GRSF1: variants seen among roughly 807,000 people sequenced by gnomAD.
The protein encoded by GRSF1 is G-rich sequence factor 1.
A neutral mutation model predicts 51.1 loss-of-function variants in GRSF1; 50 were observed. The observed-to-expected ratio is 0.98, with a 90% CI of 0.78 to 1.24. The LOEUF is 1.24. GRSF1 is among the 50% of genes most tolerant of loss of function. The pLI is 0.00. For synonymous variants in GRSF1, 293 were observed against 253.3 expected, an observed-to-expected ratio of 1.16 and a Z score of -1.49; for missense variants, 700 against 639.7, an observed-to-expected ratio of 1.09 and a Z score of -1.02.
chr4:70,828,185 T>C, intron 5 of GRSF1, 149 bp from the exon 6 acceptor site: 1 of 627,842 alleles, frequency 1.6e-6, no homozygotes, highest in Non-Finnish European at 2.8e-6. Flanking sequence ...TAATAATGCA[T>C]ACAGATAGTA....
rs1306920484 is a variant in GRSF1 at position 70,839,629 on chromosome 4, G to A, written c.199C>T (p.Gln67Ter). The A allele has an allele frequency of 5.7e-6, 8 of 1,403,634 alleles. No individual in the cohort carries two copies. The highest frequency in any genetic ancestry group is 1.5e-5 in the African/African-American group (1 of 65,720). The allele number at this position is 1,403,634 out of a possible 1,614,324, so 86.9% of individuals were successfully genotyped here. Residue 67 changes from glutamine (Q) to a stop codon, truncating the protein, a stop_gained, in exon 1 of 10, where the codon CAG (glutamine) becomes TAG (stop). Transcript: ENST00000254799. LOFTEE classifies it high-confidence loss of function. ...AAAASQTRGL[Q>*]TGPVPPGRLA... is the part of the protein sequence containing the mutation. ...CTCCCGGGAGGCACAGGCCCGGTCT[G>A]GAGGCCACGCGTCTGGGAGGCAGCG...
chr4:70,834,806 GGA>G (rs1035416015), intron 2 of GRSF1, among the ~76,000 whole-genome samples: 3 of 152,164 alleles, frequency 2.0e-5, no homozygotes, highest in African/African-American at 7.2e-5. Context: ...TGTATTTTTA[GGA>G]GAGATGGGGT....
At chr4:70,825,270 C>A in intron 8 of GRSF1, 26 bp downstream of exon 8, 1 of 1,560,168 alleles carries the variant, frequency 6.4e-7, no homozygotes, top group Non-Finnish European at 8.7e-7. Flanking sequence ...TCAAAAATGA[C>A]AACAAAAGCC....
intron 5 of GRSF1, among the ~76,000 whole-genome samples, chr4:70,830,491 TAAC>T (rs992470471): frequency 4.7e-5 from 7 of 149,464 alleles, no homozygotes; most frequent in African/African-American, 1.5e-4. Context: ...ATTATGGACA[TAAC>T]AATCAAATGC....
intron 1 of GRSF1, among the ~76,000 whole-genome samples, chr4:70,838,198 G>A (rs1734296848): frequency 1.7e-5 from 2 of 116,056 alleles, no homozygotes; most frequent in East Asian, 2.6e-4. Context: ...CAGCCTGGGC[G>A]ACAGAGCGAG....
intron 2 of GRSF1, among the ~76,000 whole-genome samples, chr4:70,834,963 GGC>G (rs1344891264): frequency 6.6e-6 from 1 of 151,946 alleles, no homozygotes; most frequent in African/African-American, 2.4e-5. Context: ...CCCTCAAGTT[GGC>G]CCTGGTGTCT....
intron 1 of GRSF1, among the ~76,000 whole-genome samples, chr4:70,838,455 G>C (rs997975998): frequency 6.6e-6 from 1 of 152,074 alleles, no homozygotes; most frequent in African/African-American, 2.4e-5. Flanking sequence ...AAAAGGCAGC[G>C]TAAAGTATTG....
intron 1 of GRSF1, among the ~76,000 whole-genome samples, chr4:70,837,780 C>A (rs1352032607): frequency 6.6e-6 from 1 of 150,510 alleles, no homozygotes; most frequent in Non-Finnish European, 1.5e-5. Flanking sequence ...GGATTACAGG[C>A]GCCCGCCACC....
In GRSF1 at chr4:70,833,157, C is replaced by G. The variant is rs778655280; in HGVS notation, c.631G>C (p.Glu211Gln). 1.2e-6 allele frequency: 2 copies of G among 1,613,972 alleles called. No homozygotes were observed. The highest frequency in any genetic ancestry group is 1.1e-5 in the South Asian group (1 of 91,084). Residue 211 changes from glutamate to glutamine, a missense_variant, in exon 3 of 10, where the codon GAG becomes CAG. Transcript: ENST00000254799. ...TGGCCCATGTACATGCGGTGCTTCT[C>G]TAAGGCTTTCTGCACATCCTGCTCT... The part of the protein sequence containing the change: ...ESEQDVQKAL[E>Q]KHRMYMGQRY...
In GRSF1 at chr4:70,833,276, A is replaced by G. The variant is rs112516447; in HGVS notation, c.515-3T>C. 1.9e-4 allele frequency: 306 copies of G among 1,612,408 alleles called. 1 individual carries two copies. The African/African-American group carries it at 3.5e-3, about 18-fold the overall frequency. On this transcript the variant is annotated splice_polypyrimidine_tract_variant and splice_region_variant and intron_variant, in intron 2 of 9. Transcript: ENST00000254799. Reference sequence around the variant, plus strand: ...CTCACCGTTGCGGATTCTGCAGTCTAAAAGTGTATGAGCAAAATCAATTGA... The same window carrying G: ...CTCACCGTTGCGGATTCTGCAGTCTGAAAGTGTATGAGCAAAATCAATTGA...
In GRSF1 at chr4:70,831,539, C is replaced by T. The variant is rs1018636411; in HGVS notation, c.950G>A (p.Arg317Gln). 1 of 1,612,870 alleles carries T rather than the reference C, an allele frequency of 6.2e-7. No homozygotes were observed. Among genetic ancestry groups the T allele is most frequent in the South Asian group, 1.1e-5 (1 of 90,844 alleles). Residue 317 changes from arginine to glutamine, a missense_variant and splice_region_variant, in exon 5 of 10, where the codon CGA becomes CAA. Transcript: ENST00000254799. Reference protein sequence around the residue: ...LLKHREEIGNRYIEIFPSRRN... With the variant: ...LLKHREEIGNQYIEIFPSRRN... ...CATCATTAGTATCTGCTTTACTCAC[C>T]GATTACCAATTTCTTCCCTGTGTTT... is the stretch of plus-strand genomic sequence containing the variant.
At chr4:70,827,383 T>C (rs1733777878) in intron 6 of GRSF1, among the ~76,000 whole-genome samples, 1 of 152,188 alleles carries the variant, frequency 6.6e-6, no homozygotes, top group Non-Finnish European at 1.5e-5. Context: ...CTTCCTTTTA[T>C]CACATTTTTA....
intron 5 of GRSF1, among the ~76,000 whole-genome samples, chr4:70,828,359 G>C (rs1733816922): frequency 6.6e-6 from 1 of 152,108 alleles, no homozygotes; most frequent in South Asian, 2.1e-4. Flanking sequence ...AATCTCATAA[G>C]GGTTTTTTAA....
chr4:70,820,876 A>G lies in GRSF1; in HGVS notation c.*26-15T>C, dbSNP rs767083554. The G allele has an allele frequency of 1.3e-5, 2 of 152,634 alleles. No individual in the cohort carries two copies. The highest frequency in any genetic ancestry group is 4.8e-5 in the African/African-American group (2 of 41,460). The allele number at this position is 152,634 out of a possible 1,614,324, so 9.5% of individuals were successfully genotyped here. On this transcript the variant is annotated splice_polypyrimidine_tract_variant and intron_variant, in intron 9 of 9. Coordinates refer to ENST00000254799, the MANE Select transcript of GRSF1 (RefSeq NM_002092.4). ...CTTGCTTCACCCTAAAAATAAAACA[A>G]AAAATATTGTACATTTACTCAAGAT...
rs765824484 is a variant in GRSF1 at position 70,831,713 on chromosome 4, T to G, written c.815-39A>C. On this transcript the variant is annotated intron_variant, in intron 4 of 9. Coordinates refer to ENST00000254799, the MANE Select transcript of GRSF1 (RefSeq NM_002092.4). Reference sequence around the variant, plus strand: ...AGATTTTAATGCTACTAGCAGGCTTTTTTATCCTTAGAATTAACACCATCA... The same window carrying G: ...AGATTTTAATGCTACTAGCAGGCTTGTTTATCCTTAGAATTAACACCATCA... 49 of 1,563,438 alleles carry G rather than the reference T, an allele frequency of 3.1e-5. No individual in the cohort carries two copies. The South Asian group carries it at 4.0e-4, about 13-fold the overall frequency.
rs1473206255 is a variant in GRSF1 at position 70,839,830 on chromosome 4, A to G, written c.-3T>C. 3 of 1,491,812 alleles carry G rather than the reference A, an allele frequency of 2.0e-6. No individual in the cohort carries two copies. The highest frequency in any genetic ancestry group is 2.7e-6 in the Non-Finnish European group (3 of 1,128,644). The allele number at this position is 1,491,812 out of a possible 1,614,324, so 92.4% of individuals were successfully genotyped here. On this transcript the variant is annotated 5_prime_UTR_variant, in exon 1 of 10. Coordinates refer to ENST00000254799, the MANE Select transcript of GRSF1 (RefSeq NM_002092.4). ...AGTACCCAGCGCGTGCCGGCCATGG[A>G]CTCCGGAGGCGGCGCAGGGCCTGAA...
rs374727069 is a variant in GRSF1, at chr4:70,833,200, G to T, written c.588C>A (p.Ala196=). 5.0e-6 allele frequency: 8 copies of T among 1,613,586 alleles called. No homozygotes were observed. The African/African-American group carries it at 9.3e-5, about 19-fold the overall frequency. ...LNRDGKRRGD[A]LIEMESEQDV... is the part of the protein sequence containing the mutation. ...CCTGCTCTGACTCCATTTCAATTAAGGCATCACCCCTTCGTTTCCCATCTC... is the reference window on the plus strand; with the variant it reads ...CCTGCTCTGACTCCATTTCAATTAATGCATCACCCCTTCGTTTCCCATCTC... Residue 196 remains alanine, a synonymous_variant, in exon 3 of 10, where the codon GCC becomes GCA. Coordinates refer to ENST00000254799, the MANE Select transcript of GRSF1 (RefSeq NM_002092.4).
intron 4 of GRSF1, 119 bp from the exon 5 acceptor site, chr4:70,831,793 T>C (rs4694080): frequency 0.96 from 721,065 of 751,950 alleles, 348,468 homozygotes; most frequent in East Asian, 1. Flanking sequence ...ACTGAATACA[T>C]GCTTGACAGG....
intron 7 of GRSF1, chr4:70,825,871 G>A: frequency 2.7e-6 from 1 of 365,730 alleles, no homozygotes; most frequent in Non-Finnish European, 4.9e-6. Context: ...GGCAGAGGTT[G>A]CAGTGAGCCA....
Sources: allele counts gnomAD v4.1 joint callset (sites outside exome capture counted in the v4.1 genomes callset), GRCh38; gene constraint gnomAD v4.1.1; transcripts MANE v1.5; gene names NCBI Gene and HGNC (gene_info 2026-07-23, HGNC 2026-07-21).